Variants in GNAT3 observed in about 807,000 individuals in gnomAD.
GNAT3 encodes the protein guanine nucleotide-binding protein G(t) subunit alpha-3.
Under a neutral mutation model 37.7 loss-of-function variants are expected in GNAT3, and 31 were observed. The observed-to-expected ratio is 0.82, with a 90% CI of 0.62 to 1.11. The LOEUF (loss-of-function observed/expected upper bound fraction) is 1.11, where lower values mean the gene tolerates loss of function less well. Among genes scored for constraint, GNAT3 ranks in the 50% most tolerant of loss-of-function variants. GNAT3 has a pLI of 0.00. For missense variants in GNAT3, 437 were observed against 412.5 expected, an observed-to-expected ratio of 1.06 and a Z score of -0.51; for synonymous variants, 138 against 139.8, an observed-to-expected ratio of 0.99 and a Z score of 0.09.
At chr7:80,508,661 G>A (rs746561431) in intron 1 of GNAT3, among the ~76,000 whole-genome samples, 1 of 151,900 alleles carries the variant, frequency 6.6e-6, no homozygotes, top group Non-Finnish European at 1.5e-5. Flanking sequence ...CACAGATTTG[G>A]CATCTGTTCT....
intron 1 of GNAT3, among the ~76,000 whole-genome samples, chr7:80,496,662 G>A (rs1001457005): frequency 2.0e-5 from 3 of 152,128 alleles, no homozygotes; most frequent in Non-Finnish European, 2.9e-5. Flanking sequence ...CTAGAACAGT[G>A]CCTAACTCAG....
chr7:80,488,101 G>T lies in GNAT3; in HGVS notation c.303+434C>A, dbSNP rs144761319. On this transcript the variant is annotated intron_variant, in intron 3 of 7. Transcript: ENST00000398291. ...AAACTTATCAAGTAATCATTTCCCT[G>T]TTGCCACACAGACCTTGTAATCATC... Among the ~76,000 whole-genome samples, 219 of 151,886 alleles carry T rather than the reference G, an allele frequency of 1.4e-3. 3 individuals are homozygous for T. The East Asian group carries it at 0.038, about 26-fold the overall frequency.
chr7:80,494,062 T>A (rs1790666751), intron 2 of GNAT3, among the ~76,000 whole-genome samples: 1 of 152,218 alleles, frequency 6.6e-6, no homozygotes, highest in Admixed American at 6.5e-5. Context: ...CCTTTACTTA[T>A]CAATTACCTT....
chr7:80,468,897 A>G (rs1790165305), intron 5 of GNAT3, among the ~76,000 whole-genome samples: 1 of 152,144 alleles, frequency 6.6e-6, no homozygotes, highest in Non-Finnish European at 1.5e-5. Context: ...TTAATAATGT[A>G]ATTCATAAAG....
At chr7:80,495,111 C>A (rs1790691326) in intron 1 of GNAT3, among the ~76,000 whole-genome samples, 1 of 151,976 alleles carries the variant, frequency 6.6e-6, no homozygotes, top group South Asian at 2.1e-4. Flanking sequence ...TTATATATAT[C>A]AGATTTTCTC....
intron 5 of GNAT3, among the ~76,000 whole-genome samples, chr7:80,471,866 C>A (rs1021387374): frequency 6.6e-6 from 1 of 151,960 alleles, no homozygotes; most frequent in African/African-American, 2.4e-5. Flanking sequence ...GATTGCTTAT[C>A]CTGAGTATCG....
rs776068977 is a variant in GNAT3 at position 80,494,626 on chromosome 7, C to G, written c.140G>C (p.Ser47Thr). The G allele has an allele frequency of 7.8e-6, 12 of 1,532,234 alleles. No individual in the cohort carries two copies. The highest frequency in any genetic ancestry group is 7.0e-5 in the East Asian group (3 of 43,118). The allele number at this position is 1,532,234 out of a possible 1,614,324, so 94.9% of individuals were successfully genotyped here. A position where few individuals can be genotyped will look rare whatever the true frequency, so the allele number is the denominator to read the frequency against. ...CTACTTCATTTGTTTAACAATAGTACTTTTCCCAGATTCTCCTGCTCCTGC... is the reference window on the plus strand; with the variant it reads ...CTACTTCATTTGTTTAACAATAGTAGTTTTCCCAGATTCTCCTGCTCCTGC... The part of the protein sequence containing the change: ...LLLGAGESGK[S>T]TIVKQMKIIH... Residue 47 changes from serine to threonine, a missense_variant, in exon 2 of 8, where the codon AGT becomes ACT. Physicochemically the swap from Ser to Thr is moderately conservative, Grantham distance 58. Coordinates refer to ENST00000398291, the MANE Select transcript of GNAT3 (RefSeq NM_001102386.3).
intron 6 of GNAT3, 23 bp downstream of exon 6, chr7:80,462,479 C>T (rs777224255): frequency 4.4e-6 from 7 of 1,608,284 alleles, no homozygotes; most frequent in Non-Finnish European, 5.9e-6. Flanking sequence ...TTAACCCTGG[C>T]TTTGTTTTTC....
At chr7:80,499,783 G>T (rs1297373077) in intron 1 of GNAT3, among the ~76,000 whole-genome samples, 1 of 149,652 alleles carries the variant, frequency 6.7e-6, no homozygotes, top group Non-Finnish European at 1.5e-5. Flanking sequence ...ATATGAGCTT[G>T]CACTCATCTC....
chr7:80,472,189 CCTGGCTTAG>C (rs1382360646), intron 5 of GNAT3, among the ~76,000 whole-genome samples: 1 of 151,894 alleles, frequency 6.6e-6, no homozygotes, highest in African/African-American at 2.4e-5. Flanking sequence ...TATGGCTCAC[CCTGGCTTAG>C]CTAGTGAGAG....
intron 1 of GNAT3, among the ~76,000 whole-genome samples, chr7:80,497,192 C>T (rs562265179): frequency 7.0e-4 from 107 of 152,220 alleles, no homozygotes; most frequent in African/African-American, 2.5e-3. Context: ...CTAGAGGCTG[C>T]AATGCCCAAG....
intron 1 of GNAT3, among the ~76,000 whole-genome samples, chr7:80,497,567 T>TGGGG (rs1790743211): frequency 7.0e-6 from 1 of 142,160 alleles, no homozygotes; most frequent in African/African-American, 2.6e-5. Context: ...TACATATACG[T>TGGGG]ATATACATAT....
intron 1 of GNAT3, among the ~76,000 whole-genome samples, chr7:80,497,622 G>GTATATGCATATACA (rs1790752570): frequency 8.7e-6 from 1 of 114,444 alleles, no homozygotes; most frequent in Non-Finnish European, 1.7e-5. Flanking sequence ...ATACATATAC[G>GTATATGCATATACA]TATATACATA....
intron 1 of GNAT3, among the ~76,000 whole-genome samples, chr7:80,505,722 A>G (rs1562736338): frequency 6.6e-6 from 1 of 152,168 alleles, no homozygotes; most frequent in Non-Finnish European, 1.5e-5. Flanking sequence ...AATTTATTCT[A>G]TTGAAATATA....
At chr7:80,459,550 C>T (rs912259473) in intron 7 of GNAT3, among the ~76,000 whole-genome samples, 17 of 152,104 alleles carry the variant, frequency 1.1e-4, no homozygotes, top group African/African-American at 3.9e-4. Flanking sequence ...ACAATGAAGG[C>T]TCTGCTTGAG....
chr7:80,486,150 C>T (rs74812577), intron 3 of GNAT3, among the ~76,000 whole-genome samples: 1 of 152,048 alleles, frequency 6.6e-6, no homozygotes, highest in Admixed American at 6.6e-5. Context: ...ATCTCAAAAC[C>T]AAGTACTAGA....
At chr7:80,483,588 C>A (rs1790427122) in intron 3 of GNAT3, among the ~76,000 whole-genome samples, 1 of 152,094 alleles carries the variant, frequency 6.6e-6, no homozygotes, top group South Asian at 2.1e-4. Context: ...CTGTGACTCA[C>A]AAGGTTCTAC....
intron 1 of GNAT3, among the ~76,000 whole-genome samples, chr7:80,497,559 C>T (rs147693415): frequency 4.4e-4 from 60 of 137,880 alleles, no homozygotes; most frequent in African/African-American, 1.6e-3. Context: ...TACGTATATA[C>T]ATATACGTAT....
chr7:80,487,123 G>A (rs1435493850), intron 3 of GNAT3, among the ~76,000 whole-genome samples: 1 of 152,026 alleles, frequency 6.6e-6, no homozygotes, highest in Non-Finnish European at 1.5e-5. Flanking sequence ...TAATCTTTGA[G>A]CCTTGTTTTT....
Sources: gnomAD v4.1 joint callset for allele counts (sites outside exome capture counted in the v4.1 genomes callset) on GRCh38, gnomAD v4.1.1 for gene constraint, MANE v1.5 for transcripts, NCBI Gene and HGNC (gene_info 2026-07-23, HGNC 2026-07-21) for gene names.